Variants in CNTN4 observed in about 807,000 individuals in gnomAD.
CNTN4 encodes contactin 4.
Under a neutral mutation model 122.5 loss-of-function variants are expected in CNTN4, and 77 were observed. The ratio of observed to expected loss-of-function variants is 0.63; its 90% confidence interval spans 0.52 to 0.76. The LOEUF is 0.76. CNTN4 is among the 30% of genes least tolerant of loss of function. The pLI is 0.00. For synonymous variants in CNTN4, 512 were observed against 447.0 expected (o/e 1.15, Z -1.83); for missense variants, 1,256 against 1,259.1 (o/e 1.00, Z 0.04).
At chr3:2,985,164 T>A (rs969977894) in intron 13 of CNTN4, 2 of 152,282 alleles carry the variant, frequency 1.3e-5, no homozygotes, top group African/African-American at 2.4e-5. Context: ...AGATGTTTTA[T>A]TATGAGAAGT....
intron 7 of CNTN4, among the ~76,000 whole-genome samples, chr3:2,825,828 C>T (rs2092975423): frequency 6.6e-6 from 1 of 152,118 alleles, no homozygotes; most frequent in African/African-American, 2.4e-5. Context: ...CGATTATTTT[C>T]ATTATTACGG....
intron 2 of CNTN4, among the ~76,000 whole-genome samples, chr3:2,298,451 A>G (rs997763095): frequency 4.6e-5 from 7 of 152,114 alleles, no homozygotes; most frequent in African/African-American, 9.7e-5. Flanking sequence ...TAGTTTCCCA[A>G]TTGCATTCTG....
chr3:2,259,979 T>A (rs2040759480), intron 2 of CNTN4, among the ~76,000 whole-genome samples: 2 of 152,324 alleles, frequency 1.3e-5, no homozygotes, highest in South Asian at 4.1e-4. Context: ...CAAGTTTTTT[T>A]AGTCACTGAG....
At chr3:2,583,796 A>T (rs578082301) in intron 4 of CNTN4, among the ~76,000 whole-genome samples, 1 of 152,306 alleles carries the variant, frequency 6.6e-6, no homozygotes, top group East Asian at 1.9e-4. Flanking sequence ...GTGTACCGAG[A>T]TATCTGTGAT....
chr3:2,608,181 G>C (rs1229913804), intron 4 of CNTN4, among the ~76,000 whole-genome samples: 1 of 152,208 alleles, frequency 6.6e-6, no homozygotes, highest in Non-Finnish European at 1.5e-5. Context: ...TGATACAGTT[G>C]TTAAATCCAC....
chr3:2,919,378 C>CG (rs1164536166), intron 12 of CNTN4, among the ~76,000 whole-genome samples: 1 of 119,724 alleles, frequency 8.4e-6, no homozygotes, highest in Non-Finnish European at 1.8e-5. Context: ...AAAAAAAAAA[C>CG]CAGATCGTTG....
At chr3:2,840,379 C>G (rs1304210029) in intron 7 of CNTN4, among the ~76,000 whole-genome samples, 1 of 151,950 alleles carries the variant, frequency 6.6e-6, no homozygotes, top group African/African-American at 2.4e-5. Context: ...CCTCCTCTTT[C>G]TCCTCCTCCT....
intron 4 of CNTN4, among the ~76,000 whole-genome samples, chr3:2,610,233 T>A (rs1331124745): frequency 6.6e-6 from 1 of 152,200 alleles, no homozygotes; most frequent in Non-Finnish European, 1.5e-5. Context: ...TCACTTCCAT[T>A]CTTGAAATTA....
chr3:2,989,140 T>C lies in CNTN4; in HGVS notation c.1486+668T>C, dbSNP rs17024341. 9.0e-3 allele frequency: 1,366 copies of C among 152,406 alleles called. 37 individuals are homozygous for C. Among genetic ancestry groups the C allele is most frequent in the Admixed American group, 0.051 (774 of 15,300 alleles). 9.4% of individuals were successfully genotyped at this position (152,406 alleles called of 1,614,324 possible). On this transcript the variant is annotated intron_variant, in intron 14 of 24. Coordinates refer to ENST00000418658, the MANE Select transcript of CNTN4 (RefSeq NM_175607.3). Reference sequence around the variant, plus strand: ...ATGGGCTGGAAGTGCTAAGTAACCATTGAAAAGGAGAAAATCTTAATTTAC... The same window carrying C: ...ATGGGCTGGAAGTGCTAAGTAACCACTGAAAAGGAGAAAATCTTAATTTAC...
chr3:2,137,754 G>A (rs1272405556), intron 2 of CNTN4, among the ~76,000 whole-genome samples: 1 of 152,134 alleles, frequency 6.6e-6, no homozygotes, highest in East Asian at 1.9e-4. Context: ...AGGGAGATAG[G>A]GCAGTCAGTC....
intron 3 of CNTN4, among the ~76,000 whole-genome samples, chr3:2,429,614 G>T (rs1038719457): frequency 6.6e-6 from 1 of 152,198 alleles, no homozygotes; most frequent in Non-Finnish European, 1.5e-5. Context: ...AAAGCTGTCA[G>T]ACAGGGACGT....
intron 6 of CNTN4, among the ~76,000 whole-genome samples, chr3:2,808,590 A>G (rs2092527032): frequency 6.6e-6 from 1 of 152,104 alleles, no homozygotes; most frequent in African/African-American, 2.4e-5. Flanking sequence ...CCCTAATCAC[A>G]AATAATAGGC....
intron 2 of CNTN4, among the ~76,000 whole-genome samples, chr3:2,337,595 T>A (rs1156496627): frequency 1.3e-5 from 2 of 152,086 alleles, no homozygotes; most frequent in Non-Finnish European, 2.9e-5. Context: ...GATCACATGA[T>A]TAGTAATAAA....
Position 2,597,262 on chromosome 3 carries a change from C to T in CNTN4, c.55+25704C>T, listed in dbSNP as rs930292354. ...GATTGTTATGAAAATCACATTGAGG[C>T]CAGTACTTCGTTAGAAATTTAATAA... On this transcript the variant is annotated intron_variant, in intron 4 of 24. Coordinates refer to ENST00000418658, the MANE Select transcript of CNTN4 (RefSeq NM_175607.3). Among the ~76,000 whole-genome samples, 8 of 152,096 alleles carry T rather than the reference C, an allele frequency of 5.3e-5. No homozygotes were observed. In the South Asian group the frequency reaches 8.3e-4, roughly 16 times the overall value.
intron 2 of CNTN4, among the ~76,000 whole-genome samples, chr3:2,201,533 C>T (rs901478550): frequency 3.3e-5 from 5 of 152,090 alleles, no homozygotes; most frequent in African/African-American, 9.7e-5. Flanking sequence ...CTTCTTCCTC[C>T]AGTGACTACT....
chr3:2,795,184 G>A (rs186156875), intron 6 of CNTN4, among the ~76,000 whole-genome samples: 61 of 152,216 alleles, frequency 4.0e-4, no homozygotes, highest in South Asian at 2.9e-3. Flanking sequence ...TAAATAACCC[G>A]AAAAAGTTAC....
rs186639793 is a variant in CNTN4, at chr3:2,848,289, T to G, written c.455-18463T>G. Reference sequence around the variant, plus strand: ...GGCTTTTAAATCATGTGTTTTTCACTTACAGTGAGGCTGAGTAGAAATCTG... The same window carrying G: ...GGCTTTTAAATCATGTGTTTTTCACGTACAGTGAGGCTGAGTAGAAATCTG... On this transcript the variant is annotated intron_variant, in intron 7 of 24. Coordinates refer to ENST00000418658, the MANE Select transcript of CNTN4 (RefSeq NM_175607.3). 1.1e-3 allele frequency among the ~76,000 whole-genome samples: 167 copies of G among 152,238 alleles called. 1 individual carries two copies. The highest frequency in any genetic ancestry group is 4.0e-3 in the African/African-American group (167 of 41,546).
At chr3:2,650,574 C>T (rs1471524105) in intron 4 of CNTN4, among the ~76,000 whole-genome samples, 1 of 152,174 alleles carries the variant, frequency 6.6e-6, no homozygotes, top group Non-Finnish European at 1.5e-5. Flanking sequence ...TCAATCAATG[C>T]AGCAAACTTC....
chr3:2,456,050 T>C (rs1378960190), intron 3 of CNTN4, among the ~76,000 whole-genome samples: 1 of 152,162 alleles, frequency 6.6e-6, no homozygotes, highest in African/African-American at 2.4e-5. Flanking sequence ...TAGGCATTTA[T>C]AATCTCTGTT....
Sources: gnomAD v4.1 joint callset for allele counts (sites outside exome capture counted in the v4.1 genomes callset) on GRCh38, gnomAD v4.1.1 for gene constraint, MANE v1.5 for transcripts, NCBI Gene and HGNC (gene_info 2026-07-23, HGNC 2026-07-21) for gene names.